Variants in RPH3A observed in about 807,000 individuals in gnomAD.
RPH3A encodes rabphilin 3A, also known as rabphilin-3A.
In RPH3A, 48 loss-of-function variants were observed where a neutral mutation model predicts 102.2. That is an observed-to-expected ratio of 0.47 (90% CI 0.37 to 0.60). RPH3A has a LOEUF of 0.60. RPH3A is among the 20% of genes least tolerant of loss of function. The pLI is 0.00. For missense variants in RPH3A, 781 were observed against 910.1 expected, an observed-to-expected ratio of 0.86 and a Z score of 1.83; for synonymous variants, 310 against 324.3, an observed-to-expected ratio of 0.96 and a Z score of 0.47.
chr12:112,752,594 CTTTT>C (rs35742758), intron 1 of RPH3A, among the ~76,000 whole-genome samples: 4 of 124,956 alleles, frequency 3.2e-5, no homozygotes, highest in Non-Finnish European at 5.1e-5. Flanking sequence ...GCAGGCAAGT[CTTTT>C]TTTTTTTTTT....
chr12:112,677,245 G>A (rs2040182544), intron 1 of RPH3A, among the ~76,000 whole-genome samples: 1 of 152,030 alleles, frequency 6.6e-6, no homozygotes, highest in Non-Finnish European at 1.5e-5. Flanking sequence ...CAAGGGTAAT[G>A]GTGAAAACAA....
intron 1 of RPH3A, among the ~76,000 whole-genome samples, chr12:112,771,070 G>A (rs535997197): frequency 1.1e-3 from 174 of 152,274 alleles, no homozygotes; most frequent in African/African-American, 4.0e-3. Context: ...AGAATACAAG[G>A]TTAAACCCTT....
intron 19 of RPH3A, chr12:112,891,237 C>T: frequency 1.8e-6 from 1 of 549,640 alleles, no homozygotes; most frequent in Non-Finnish European, 3.3e-6. Context: ...GTGGCTCTGT[C>T]CTCTTGAGGG....
intron 5 of RPH3A, among the ~76,000 whole-genome samples, chr12:112,862,856 C>T (rs1275661323): frequency 6.6e-6 from 1 of 152,240 alleles, no homozygotes; most frequent in African/African-American, 2.4e-5. Context: ...GGAGAGTCAG[C>T]ATTAAGTGCC....
In RPH3A at chr12:112,880,358, C is replaced by G. The variant is rs142555672; in HGVS notation, c.1251+1160C>G. ...GCACTTAACACTGCCCCTCCACCCC[C>G]GCCAATAACACAGTGAAGTAAGTGC... On this transcript the variant is annotated intron_variant, in intron 14 of 21. Coordinates refer to ENST00000389385, the MANE Select transcript of RPH3A (RefSeq NM_001143854.2). 1.2e-3 allele frequency among the ~76,000 whole-genome samples: 181 copies of G among 152,274 alleles called. 2 individuals carry two copies. Among genetic ancestry groups the G allele is most frequent in the African/African-American group, 4.3e-3 (179 of 41,546 alleles).
intron 1 of RPH3A, among the ~76,000 whole-genome samples, chr12:112,763,465 G>C (rs1286719566): frequency 6.6e-6 from 1 of 152,200 alleles, no homozygotes; most frequent in Non-Finnish European, 1.5e-5. Flanking sequence ...GGTCAAGAAA[G>C]GTGGGACAAT....
chr12:112,687,450 T>C (rs187503680), intron 1 of RPH3A, among the ~76,000 whole-genome samples: 4 of 152,160 alleles, frequency 2.6e-5, no homozygotes, highest in South Asian at 2.1e-4. Flanking sequence ...AAAGGCCCTA[T>C]TGGCCAGATC....
chr12:112,882,777 T>G (rs1193163938), intron 15 of RPH3A, among the ~76,000 whole-genome samples: 1 of 152,230 alleles, frequency 6.6e-6, no homozygotes, highest in Non-Finnish European at 1.5e-5. Flanking sequence ...GAATCTAATG[T>G]GAATCATTTG....
intron 1 of RPH3A, among the ~76,000 whole-genome samples, chr12:112,619,246 C>CTGTGTG (rs60894997): frequency 0.012 from 1,452 of 125,418 alleles, 19 homozygotes; most frequent in Admixed American, 0.019. Context: ...TATGGTAATT[C>CTGTGTG]TGTGTGTGTG....
chr12:112,786,987 C>CCT, upstream of RPH3A, among the ~76,000 whole-genome samples: 1 of 152,088 alleles, frequency 6.6e-6, no homozygotes, highest in Non-Finnish European at 1.5e-5. Flanking sequence ...ACATTCCTTA[C>CCT]CTGGTAGCTT....
intron 7 of RPH3A, among the ~76,000 whole-genome samples, chr12:112,867,955 G>A (rs374492124): frequency 1.5e-4 from 23 of 152,182 alleles, no homozygotes; most frequent in African/African-American, 5.3e-4. Flanking sequence ...ATCTGACGGG[G>A]CAATGGAAGA....
chr12:112,779,542 T>C (rs549205524), intron 1 of RPH3A, among the ~76,000 whole-genome samples: 1 of 152,330 alleles, frequency 6.6e-6, no homozygotes, highest in East Asian at 1.9e-4. Flanking sequence ...AAAAGTGTTT[T>C]TGTAGCTGTC....
At chr12:112,822,494 G>A (rs774681457) in intron 2 of RPH3A, among the ~76,000 whole-genome samples, 1 of 152,174 alleles carries the variant, frequency 6.6e-6, no homozygotes, top group Non-Finnish European at 1.5e-5. Flanking sequence ...TGGAACCACT[G>A]TTCCTTAGCA....
intron 7 of RPH3A, among the ~76,000 whole-genome samples, chr12:112,867,266 T>G (rs1315668849): frequency 6.6e-6 from 1 of 152,176 alleles, no homozygotes; most frequent in Non-Finnish European, 1.5e-5. Flanking sequence ...TCACACCCTT[T>G]TCTCGGCGAT....
intron 3 of RPH3A, among the ~76,000 whole-genome samples, chr12:112,834,754 C>T (rs1404912956): frequency 2.0e-5 from 3 of 152,056 alleles, no homozygotes; most frequent in African/African-American, 7.2e-5. Context: ...GTTGAAGTAT[C>T]TTTTCAAATC....
chr12:112,579,956 C>T (rs2039384979), intron 1 of RPH3A, among the ~76,000 whole-genome samples: 1 of 152,132 alleles, frequency 6.6e-6, no homozygotes, highest in African/African-American at 2.4e-5. Flanking sequence ...GACATATTTC[C>T]AGTTATTTCA....
At chr12:112,671,207 C>T (rs1204242087) in intron 1 of RPH3A, among the ~76,000 whole-genome samples, 2 of 152,184 alleles carry the variant, frequency 1.3e-5, no homozygotes, top group Non-Finnish European at 2.9e-5. Flanking sequence ...TAATTAGATA[C>T]AGATTTGGCT....
rs75473518 is a variant in RPH3A at position 112,883,206 on chromosome 12, C to T, written c.1327-87C>T. ...ACACTCCTATGGGGAAAGCCACCCA[C>T]CCACCCCACGTCAGCCCAAACGATG... On this transcript the variant is annotated intron_variant, in intron 15 of 21. Transcript: ENST00000389385. 9.5e-3 allele frequency: 9,310 copies of T among 982,886 alleles called. 73 individuals carry two copies. Among genetic ancestry groups the T allele is most frequent in the Non-Finnish European group, 0.013 (7,872 of 628,424 alleles). 60.9% of individuals were successfully genotyped at this position (982,886 alleles called of 1,614,324 possible). A position where few individuals can be genotyped will look rare whatever the true frequency, so the allele number is the denominator to read the frequency against.
chr12:112,712,925 C>CTCTTCTTCT (rs529826755), intron 1 of RPH3A, among the ~76,000 whole-genome samples: 5,439 of 94,096 alleles, frequency 0.058, 279 homozygotes, highest in African/African-American at 0.085. Context: ...CTTCTTCTTC[C>CTCTTCTTCT]TCTTCTTCTT....
Sources: gnomAD v4.1 joint callset for allele counts (sites outside exome capture counted in the v4.1 genomes callset) on GRCh38, gnomAD v4.1.1 for gene constraint, MANE v1.5 for transcripts, NCBI Gene and HGNC (gene_info 2026-07-23, HGNC 2026-07-21) for gene names.